COL6A5: variants seen among roughly 807,000 people sequenced by gnomAD.
COL6A5 encodes the protein collagen type VI alpha 5 chain.
A neutral mutation model predicts 65.6 loss-of-function variants in COL6A5; 48 were observed. The observed-to-expected ratio is 0.73, with a 90% CI of 0.58 to 0.93. COL6A5 has a LOEUF of 0.93. COL6A5 is among the 40% of genes least tolerant of loss of function. The pLI, the probability that COL6A5 is intolerant of heterozygous loss-of-function variation, is 0.00. For synonymous variants in COL6A5, 291 were observed against 322.8 expected, an observed-to-expected ratio of 0.90 and a Z score of 1.05; for missense variants, 914 against 928.3, an observed-to-expected ratio of 0.98 and a Z score of 0.20.
In COL6A5 at chr3:130,472,853, A is replaced by G. The variant is rs555138640; in HGVS notation, c.2328+1886A>G. Among the ~76,000 whole-genome samples the G allele has an allele frequency of 3.7e-4, 54 of 144,388 alleles. 1 individual carries two copies. The highest frequency in any genetic ancestry group is 1.3e-3 in the African/African-American group (52 of 39,834). 94.7% of individuals were successfully genotyped at this position (144,388 alleles called of 152,430 possible). ...TATACATATATATATATATATATATATATATACACATTTATAAATATAGAT... is the reference window on the plus strand; with the variant it reads ...TATACATATATATATATATATATATGTATATACACATTTATAAATATAGAT... On this transcript the variant is annotated intron_variant, in intron 7 of 7. Transcript: ENST00000512836.
upstream of COL6A5, among the ~76,000 whole-genome samples, chr3:130,429,284 G>A (rs530672942): frequency 6.6e-6 from 1 of 152,286 alleles, no homozygotes; most frequent in Admixed American, 6.5e-5. Context: ...AGGCTCATCT[G>A]TTTTTGCTTC....
rs1211064466 is a variant in COL6A5, at chr3:130,401,861, C to G, written c.4227+7C>G. On this transcript the variant is annotated splice_region_variant and intron_variant and NMD_transcript_variant, in intron 12 of 41. Coordinates refer to the COL6A5 transcript ENST00000312481. ...AGGACTACAAGCCATGAAGGTGCCA[C>G]TCACCTGTGATACTATTTTATCTAA... 4.5e-6 allele frequency: 7 copies of G among 1,544,650 alleles called. No individual in the cohort carries two copies.
chr3:130,469,462 A>G (rs1356367742), exon 6 of COL6A5: 1 of 1,611,942 alleles, frequency 6.2e-7, no homozygotes, highest in South Asian at 1.1e-5. Flanking sequence ...TTGTCAAGCC[A>G]TTTGTCCATT....
Position 130,376,543 on chromosome 3 carries a change from C to G in COL6A5, c.374C>G (p.Pro125Arg), listed in dbSNP as rs991888813. The change falls in exon 3 of 42, where the codon CCC becomes CGC. Residue 125 changes from proline to arginine, a missense_variant and NMD_transcript_variant. Physicochemically the swap from Pro to Arg is moderately radical, Grantham distance 103. Coordinates refer to the COL6A5 transcript ENST00000312481. Reference sequence around the variant, plus strand: ...GCTCATAGGACCTACTTCTCTGCACCCATAAATGGGAGAGACAGGAAACAG... The same window carrying G: ...GCTCATAGGACCTACTTCTCTGCACGCATAAATGGGAGAGACAGGAAACAG... 3.7e-6 allele frequency: 6 copies of G among 1,605,842 alleles called. No homozygotes were observed. The Middle Eastern group carries it at 6.6e-4, about 177-fold the overall frequency.
At chr3:130,353,124 CT>C (rs1330712699) in intron 1 of COL6A5, among the ~76,000 whole-genome samples, 16 of 152,194 alleles carry the variant, frequency 1.1e-4, no homozygotes, top group African/African-American at 3.6e-4. Flanking sequence ...AAATCAAAAG[CT>C]TTTTTATAAA....
chr3:130,389,760 T>C (rs1214645824), intron 6 of COL6A5, among the ~76,000 whole-genome samples: 1 of 152,148 alleles, frequency 6.6e-6, no homozygotes, highest in Non-Finnish European at 1.5e-5. Flanking sequence ...CTTTTAAAAT[T>C]GTATTGTGCA....
chr3:130,431,512 T>A, exon 1 of COL6A5: 2 of 1,551,476 alleles, frequency 1.3e-6, no homozygotes, highest in Non-Finnish European at 1.7e-6. Flanking sequence ...TCTGGACAAT[T>A]CCTACGATGT....
chr3:130,379,334 A>T (rs1935903980), intron 3 of COL6A5, 84 bp from the exon 4 acceptor site: 1 of 1,228,518 alleles, frequency 8.1e-7, no homozygotes, highest in Non-Finnish European at 1.1e-6. Flanking sequence ...TATTCTAACT[A>T]ATGTGCTTGA....
At chr3:130,451,519 G>A (rs983783773) in intron 4 of COL6A5, among the ~76,000 whole-genome samples, 6 of 151,778 alleles carry the variant, frequency 4.0e-5, no homozygotes, top group Non-Finnish European at 8.8e-5. Flanking sequence ...TGAAGTGGAT[G>A]GGGGAGGGCC....
At chr3:130,472,856 T>TATATAC (rs752157374) in intron 7 of COL6A5, among the ~76,000 whole-genome samples, 100 of 143,370 alleles carry the variant, frequency 7.0e-4, no homozygotes, top group Non-Finnish European at 1.2e-3. Flanking sequence ...TATATATATA[T>TATATAC]ATACACATTT....
At chr3:130,457,580 A>G (rs1325965178) in intron 5 of COL6A5, among the ~76,000 whole-genome samples, 1 of 152,082 alleles carries the variant, frequency 6.6e-6, no homozygotes, top group Non-Finnish European at 1.5e-5. Context: ...TCCTACAGTG[A>G]GTTGAAGTAT....
At position 130,440,165 on chromosome 3, in the gene COL6A5, G is replaced by A. The variant is rs1709140083; in HGVS notation, c.582-1G>A. ...TGATGTGTCTCTCTGTGTGTTTTCAGATAAATGTTTTCCAAATGCTTGCAT... is the reference window on the plus strand; with the variant it reads ...TGATGTGTCTCTCTGTGTGTTTTCAAATAAATGTTTTCCAAATGCTTGCAT... On this transcript the variant is annotated splice_acceptor_variant, in intron 2 of 7. Transcript: ENST00000512836. LOFTEE classifies it high-confidence loss of function. The A allele has an allele frequency of 6.2e-7, 1 of 1,607,446 alleles. No individual in the cohort carries two copies.
At chr3:130,420,680 G>A (rs1577491992) in intron 25 of COL6A5, among the ~76,000 whole-genome samples, 1 of 152,082 alleles carries the variant, frequency 6.6e-6, no homozygotes, top group African/African-American at 2.4e-5. Flanking sequence ...TTGTTTTAGG[G>A]CATCCACAAC....
chr3:130,362,312 ATATATATATATATATTT>A lies in COL6A5; in HGVS notation c.-28-11297_-28-11281del, dbSNP rs1296643993. The stretch of plus-strand genomic sequence containing the variant: ...TCCATATATATATATATATATATAT[ATATATATATATATATTT>A]TTTTTTTTTTTTTTTTTTGCATGTG... On this transcript the variant is annotated intron_variant and NMD_transcript_variant, in intron 1 of 41. Coordinates refer to the COL6A5 transcript ENST00000312481. Among the ~76,000 whole-genome samples the A allele has an allele frequency of 1.0e-3, 14 of 13,850 alleles. 1 individual carries two copies. The highest frequency in any genetic ancestry group is 3.9e-3 in the African/African-American group (14 of 3,606). The allele number at this position is 13,850 out of a possible 152,430, so 9.1% of individuals were successfully genotyped here. A position where few individuals can be genotyped will look rare whatever the true frequency, so the allele number is the denominator to read the frequency against.
intron 29 of COL6A5, among the ~76,000 whole-genome samples, chr3:130,425,960 T>A (rs1424330240): frequency 2.0e-5 from 3 of 152,174 alleles, no homozygotes; most frequent in African/African-American, 7.2e-5. Context: ...TTCTTATCAC[T>A]GAAGAAAAAT....
rs372029969 is a variant in COL6A5 at position 130,402,751 on chromosome 3, A to T, written c.4228-858A>T. On this transcript the variant is annotated intron_variant and NMD_transcript_variant, in intron 12 of 41. Coordinates refer to the COL6A5 transcript ENST00000312481. Reference sequence around the variant, plus strand: ...TGGCTACATAGACCTTATATATATAAAAATTATAATATTGTTCTATAAAGT... The same window carrying T: ...TGGCTACATAGACCTTATATATATATAAATTATAATATTGTTCTATAAAGT... 1.8e-4 allele frequency among the ~76,000 whole-genome samples: 28 copies of T among 152,300 alleles called. No individual in the cohort carries two copies. The South Asian group carries it at 2.5e-3, about 14-fold the overall frequency.
chr3:130,357,736 A>T (rs377652403), intron 1 of COL6A5, among the ~76,000 whole-genome samples: 3 of 152,350 alleles, frequency 2.0e-5, no homozygotes, highest in East Asian at 3.9e-4. Context: ...TCATTGTAGT[A>T]GATGCTGAAA....
chr3:130,367,607 A>G (rs537735294), intron 1 of COL6A5, among the ~76,000 whole-genome samples: 5 of 152,314 alleles, frequency 3.3e-5, no homozygotes, highest in Middle Eastern at 3.4e-3. Context: ...GTCTCCAGGC[A>G]AGCTTTTTGT....
At chr3:130,431,440 A>G (rs1937801835), upstream of COL6A5, 1 of 1,547,794 alleles carries the variant, frequency 6.5e-7, no homozygotes, top group East Asian at 2.4e-5. Flanking sequence ...AAATAACTTA[A>G]TACTTCTGCT....
Sources: gnomAD v4.1 joint callset for allele counts (sites outside exome capture counted in the v4.1 genomes callset) on GRCh38, gnomAD v4.1.1 for gene constraint, MANE v1.5 for transcripts, NCBI Gene and HGNC (gene_info 2026-07-23, HGNC 2026-07-21) for gene names.